STON2: variants seen among roughly 807,000 people sequenced by gnomAD.
STON2 encodes stonin 2, also known as stonin-2.
In STON2, 29 loss-of-function variants were observed where a neutral mutation model predicts 65.7. That is an observed-to-expected ratio of 0.44 (90% CI 0.33 to 0.60). The LOEUF is 0.60. STON2 is among the 20% of genes least tolerant of loss of function. The pLI is 0.03. For missense variants in STON2, 1,054 were observed against 1,118.1 expected, an observed-to-expected ratio of 0.94 and a Z score of 0.82; for synonymous variants, 404 against 414.2, an observed-to-expected ratio of 0.98 and a Z score of 0.30.
Position 81,263,553 on chromosome 14 carries a change from A to AAAC in STON2, c.*4860_*4861insGTT, listed in dbSNP as rs1894240291. ...ACTCCGTCTCAAAAAAAAAAAAAAA[A>AAAC]AAAAAAACAAAAAAGAAAATGCTAT... On this transcript the variant is annotated 3_prime_UTR_variant, in exon 8 of 8. Transcript: ENST00000614646. The AAAC allele has an allele frequency of 1.1e-5, 2 of 182,720 alleles. No homozygotes were observed. Among genetic ancestry groups the AAAC allele is most frequent in the Non-Finnish European group, 2.0e-5 (2 of 97,992 alleles). The allele number at this position is 182,720 out of a possible 1,614,324, so 11.3% of individuals were successfully genotyped here. A position where few individuals can be genotyped will look rare whatever the true frequency, so the allele number is the denominator to read the frequency against.
rs1024432818 is a variant in STON2 at position 81,299,423 on chromosome 14, T to C, written c.743-20684A>G. Among the ~76,000 whole-genome samples, 7 of 152,334 alleles carry C rather than the reference T, an allele frequency of 4.6e-5. No homozygotes were observed. In the South Asian group the frequency reaches 8.3e-4, roughly 18 times the overall value. ...CAGCTAACATCACAATGGTGAAATA[T>C]TGAAAGTGTTCCTCCCAGTCTCACC... On this transcript the variant is annotated intron_variant, in intron 5 of 7. Transcript: ENST00000614646.
intron 5 of STON2, among the ~76,000 whole-genome samples, chr14:81,317,350 A>T (rs1482243859): frequency 6.6e-6 from 1 of 152,234 alleles, no homozygotes; most frequent in Non-Finnish European, 1.5e-5. Context: ...ACATTTCAAC[A>T]TGAGAATTGG....
chr14:81,382,226 A>C (rs1899558957), intron 3 of STON2, among the ~76,000 whole-genome samples: 1 of 151,890 alleles, frequency 6.6e-6, no homozygotes, highest in South Asian at 2.1e-4. Context: ...CTCAAAAAAA[A>C]AGAAAAGAAA....
chr14:81,368,424 G>T (rs763127593), intron 4 of STON2, among the ~76,000 whole-genome samples: 6 of 152,148 alleles, frequency 3.9e-5, no homozygotes, highest in Admixed American at 1.3e-4. Flanking sequence ...TACTGTAAAA[G>T]AGGATGGGGC....
At chr14:81,279,373 T>C (rs1895013135) in intron 5 of STON2, among the ~76,000 whole-genome samples, 1 of 152,074 alleles carries the variant, frequency 6.6e-6, no homozygotes. Context: ...AGTAAGTATG[T>C]GAAAAATATC....
At chr14:81,306,284 C>T (rs1380369308) in intron 5 of STON2, among the ~76,000 whole-genome samples, 1 of 119,912 alleles carries the variant, frequency 8.3e-6, no homozygotes, top group Non-Finnish European at 1.6e-5. Context: ...GGCTGGAGTG[C>T]GGTGGTGTGA....
intron 2 of STON2, among the ~76,000 whole-genome samples, chr14:81,417,875 G>A (rs945191090): frequency 1.3e-5 from 2 of 152,182 alleles, no homozygotes; most frequent in East Asian, 3.9e-4. Context: ...CAGGCAGAGA[G>A]AGAGATAGAA....
intron 4 of STON2, among the ~76,000 whole-genome samples, chr14:81,325,992 C>T (rs1896992375): frequency 6.6e-6 from 1 of 152,246 alleles, no homozygotes; most frequent in Admixed American, 6.5e-5. Flanking sequence ...CTCTCTCACC[C>T]CAATGTATTA....
chr14:81,274,416 G>A (rs765493811), intron 6 of STON2, among the ~76,000 whole-genome samples: 1 of 152,120 alleles, frequency 6.6e-6, no homozygotes, highest in Non-Finnish European at 1.5e-5. Flanking sequence ...ACTTGCCCTT[G>A]AGGCAACAGA....
In STON2 at chr14:81,267,012, G is replaced by T. The variant is rs780965517; in HGVS notation, c.*1402C>A. ...TGTCAATACACATTTAGACTCCAAT[G>T]ATTGTTCATTGAATACATTAATCTT... On this transcript the variant is annotated 3_prime_UTR_variant, in exon 8 of 8. Transcript: ENST00000614646. 1.4e-5 allele frequency: 14 copies of T among 985,360 alleles called. No homozygotes were observed. The highest frequency in any genetic ancestry group is 1.7e-5 in the Non-Finnish European group (14 of 829,874). 61.0% of individuals were successfully genotyped at this position (985,360 alleles called of 1,614,324 possible). A position where few individuals can be genotyped will look rare whatever the true frequency, so the allele number is the denominator to read the frequency against.
Position 81,277,143 on chromosome 14 carries a change from A to G in STON2, c.2339T>C (p.Val780Ala), listed in dbSNP as rs202024959. 7 of 1,614,126 alleles carry G rather than the reference A, an allele frequency of 4.3e-6. No homozygotes were observed. In the South Asian group the frequency reaches 7.7e-5, roughly 18 times the overall value. The change falls in exon 6 of 8, where the codon GTT (valine) becomes GCT (alanine). Residue 780 changes from valine to alanine, a missense_variant. Physicochemically the swap from Val to Ala is moderately conservative, Grantham distance 64. Transcript: ENST00000614646. ...ACGGATCATCACATTCTCACAGGGA[A>G]CCTGAGTGAGGGGGTCACGATTGGC... ...FSANRDPLTQ[V>A]PCENVMIRYP...
At chr14:81,297,006 A>C (rs549425853) in intron 5 of STON2, among the ~76,000 whole-genome samples, 2 of 152,214 alleles carry the variant, frequency 1.3e-5, no homozygotes, top group African/African-American at 4.8e-5. Flanking sequence ...TTTTCTTTAA[A>C]GTATTTAATT....
At chr14:81,360,878 A>G (rs1898462448) in intron 4 of STON2, among the ~76,000 whole-genome samples, 1 of 152,192 alleles carries the variant, frequency 6.6e-6, no homozygotes, top group South Asian at 2.1e-4. Context: ...TACACCAACA[A>G]ATGTTCTGAA....
At chr14:81,402,397 A>G (rs1348211286), upstream of STON2, among the ~76,000 whole-genome samples, 5 of 152,232 alleles carry the variant, frequency 3.3e-5, no homozygotes, top group Admixed American at 6.5e-5. Flanking sequence ...GAGATACCAC[A>G]GCAACCTAAA....
At position 81,272,880 on chromosome 14, in the gene STON2, A is replaced by T. The variant is rs180943267; in HGVS notation, c.2582-2008T>A. ...TAACCCTATTTTATAGATGAAAAAA[A>T]TTAGGTTTCTCTGAGAGGGTTAAGT... On this transcript the variant is annotated intron_variant, in intron 6 of 7. Transcript: ENST00000614646. Among the ~76,000 whole-genome samples, 133 of 152,330 alleles carry T rather than the reference A, an allele frequency of 8.7e-4. 1 individual carries two copies. The highest frequency in any genetic ancestry group is 3.1e-3 in the African/African-American group (130 of 41,582).
At chr14:81,301,175 AAT>A (rs1281745107) in intron 5 of STON2, among the ~76,000 whole-genome samples, 1 of 152,196 alleles carries the variant, frequency 6.6e-6, no homozygotes, top group African/African-American at 2.4e-5. Flanking sequence ...AGAAATAATT[AAT>A]AGAGAAAAAA....
intron 4 of STON2, among the ~76,000 whole-genome samples, chr14:81,352,481 A>G (rs1160444586): frequency 1.3e-5 from 2 of 152,150 alleles, no homozygotes; most frequent in Non-Finnish European, 2.9e-5. Context: ...TTCCATATCT[A>G]GTTTGAATCA....
At chr14:81,283,952 C>T (rs963766511) in intron 5 of STON2, among the ~76,000 whole-genome samples, 9 of 152,214 alleles carry the variant, frequency 5.9e-5, no homozygotes, top group African/African-American at 2.2e-4. Flanking sequence ...AACATTCAAA[C>T]ATTTTCACTA....
intron 4 of STON2, chr14:81,333,210 C>T: frequency 1.0e-6 from 1 of 993,146 alleles, no homozygotes; most frequent in South Asian, 1.3e-5. Flanking sequence ...CCAGTGTGGT[C>T]TTGTACATTT....
Sources: gnomAD v4.1 joint callset for allele counts (sites outside exome capture counted in the v4.1 genomes callset) on GRCh38, gnomAD v4.1.1 for gene constraint, MANE v1.5 for transcripts, NCBI Gene and HGNC (gene_info 2026-07-23, HGNC 2026-07-21) for gene names.